The following PTPRD variants were observed in gnomAD, a reference collection of about 807,000 sequenced individuals.
PTPRD encodes the protein protein tyrosine phosphatase receptor type D, also known as receptor-type tyrosine-protein phosphatase delta.
A neutral mutation model predicts 214.5 loss-of-function variants in PTPRD; 34 were observed. The ratio of observed to expected loss-of-function variants is 0.16; its 90% CI spans 0.12 to 0.21. The LOEUF is 0.21. Among genes scored for constraint, PTPRD ranks in the 10% least tolerant of loss-of-function variants. The pLI is 1.00. For synonymous variants in PTPRD, 1,128 were observed against 845.7 expected (o/e 1.33, Z -5.79); for missense variants, 2,545 against 2,398.7 (o/e 1.06, Z -1.27).
At chr9:9,016,594 C>T (rs1589845521) in intron 11 of PTPRD, among the ~76,000 whole-genome samples, 2 of 152,116 alleles carry the variant, frequency 1.3e-5, no homozygotes, top group South Asian at 4.1e-4. Flanking sequence ...TATGAGGCTA[C>T]ACTCCAGATC....
At chr9:8,328,131 G>A (rs1227485469) in intron 44 of PTPRD, among the ~76,000 whole-genome samples, 1 of 152,152 alleles carries the variant, frequency 6.6e-6, no homozygotes, top group East Asian at 1.9e-4. Context: ...TTTACAATTT[G>A]GTGTGTTTTT....
At chr9:9,505,375 C>G (rs1046685606) in intron 8 of PTPRD, among the ~76,000 whole-genome samples, 3 of 151,436 alleles carry the variant, frequency 2.0e-5, no homozygotes, top group Non-Finnish European at 4.4e-5. Context: ...ATTTTACTTT[C>G]CTCTTGCAAA....
At chr9:9,931,632 C>G (rs543629381) in intron 5 of PTPRD, among the ~76,000 whole-genome samples, 105 of 151,668 alleles carry the variant, frequency 6.9e-4, no homozygotes, top group African/African-American at 1.9e-3. Context: ...AACTGCAAGA[C>G]GGCAACGAGG....
chr9:8,369,246 G>T (rs12057000), intron 39 of PTPRD, among the ~76,000 whole-genome samples: 10,014 of 152,092 alleles, frequency 0.066, 412 homozygotes, highest in Middle Eastern at 0.11. Flanking sequence ...GGATCACAAG[G>T]TCTTTTGTTT....
chr9:10,255,899 C>T (rs557415199), intron 3 of PTPRD, among the ~76,000 whole-genome samples: 12 of 152,258 alleles, frequency 7.9e-5, no homozygotes, highest in South Asian at 2.1e-4. Flanking sequence ...CCCCCAGGCC[C>T]GGACTGGTAC....
chr9:8,625,497 T>C (rs1041760415), intron 14 of PTPRD, among the ~76,000 whole-genome samples: 3 of 151,978 alleles, frequency 2.0e-5, no homozygotes, highest in South Asian at 2.1e-4. Flanking sequence ...TTATGATTTA[T>C]AGCTTCATTT....
At chr9:9,110,547 A>T (rs2099804646) in intron 10 of PTPRD, among the ~76,000 whole-genome samples, 1 of 152,046 alleles carries the variant, frequency 6.6e-6, no homozygotes, top group Non-Finnish European at 1.5e-5. Flanking sequence ...ACCCAGTCCC[A>T]CTGTTTTTAC....
chr9:8,501,308 T>C (rs1337091826), intron 23 of PTPRD, among the ~76,000 whole-genome samples: 3 of 152,114 alleles, frequency 2.0e-5, no homozygotes, highest in Non-Finnish European at 2.9e-5. Flanking sequence ...TATGTGAAAA[T>C]GAGACCTCGA....
At chr9:10,549,400 A>C (rs1399388462) in intron 2 of PTPRD, among the ~76,000 whole-genome samples, 1 of 152,184 alleles carries the variant, frequency 6.6e-6, no homozygotes, top group African/African-American at 2.4e-5. Context: ...AAAGTTGGGA[A>C]AATAGAAAAA....
At chr9:9,977,029 T>C (rs2095382059) in intron 4 of PTPRD, among the ~76,000 whole-genome samples, 2 of 152,172 alleles carry the variant, frequency 1.3e-5, no homozygotes, top group Admixed American at 1.3e-4. Flanking sequence ...TGAAAATATA[T>C]AGCACTGGCA....
At chr9:8,754,182 C>T (rs2093781015) in intron 11 of PTPRD, among the ~76,000 whole-genome samples, 1 of 152,110 alleles carries the variant, frequency 6.6e-6, no homozygotes, top group African/African-American at 2.4e-5. Flanking sequence ...GTCAATCTTT[C>T]CCAAGTTTAT....
chr9:10,303,352 G>A (rs144890425), intron 3 of PTPRD, among the ~76,000 whole-genome samples: 4,423 of 151,946 alleles, frequency 0.029, 287 homozygotes, highest in Admixed American at 0.16. Context: ...TTAAAAGAAC[G>A]AGTGAAGCAA....
intron 11 of PTPRD, among the ~76,000 whole-genome samples, chr9:8,933,795 A>G (rs936097183): frequency 2.0e-5 from 3 of 152,162 alleles, no homozygotes; most frequent in Non-Finnish European, 4.4e-5. Flanking sequence ...CATTTTGACC[A>G]TCTTTAATAA....
chr9:9,840,384 G>A (rs894837967), intron 5 of PTPRD, among the ~76,000 whole-genome samples: 1 of 150,528 alleles, frequency 6.6e-6, no homozygotes, highest in African/African-American at 2.4e-5. Context: ...AATAGACTTT[G>A]TTTTTTTCCA....
chr9:9,156,677 G>A (rs945465522), intron 10 of PTPRD, among the ~76,000 whole-genome samples: 3 of 152,004 alleles, frequency 2.0e-5, no homozygotes, highest in African/African-American at 7.2e-5. Context: ...TCAAAATCAG[G>A]TATTCCAGAT....
chr9:10,001,811 G>C (rs190017006), intron 4 of PTPRD, among the ~76,000 whole-genome samples: 1 of 152,168 alleles, frequency 6.6e-6, no homozygotes, highest in African/African-American at 2.4e-5. Flanking sequence ...CCTTCAGGTT[G>C]AAATGAAAAG....
chr9:10,143,900 G>A (rs765174976), intron 3 of PTPRD, among the ~76,000 whole-genome samples: 1 of 152,030 alleles, frequency 6.6e-6, no homozygotes, highest in African/African-American at 2.4e-5. Flanking sequence ...GGGGATGCAA[G>A]AGGGGAGAGG....
At chr9:8,437,387 A>G (rs2132582335) in intron 34 of PTPRD, 2 of 591,014 alleles carry the variant, frequency 3.4e-6, no homozygotes, top group East Asian at 2.9e-5. Flanking sequence ...GGCTAGTACA[A>G]TGTGACTACT....
At chr9:10,598,670 ATG>A (rs1175090419) in intron 2 of PTPRD, among the ~76,000 whole-genome samples, 1 of 80,940 alleles carries the variant, frequency 1.2e-5, no homozygotes, top group Non-Finnish European at 2.5e-5. Flanking sequence ...ATTTTTATAT[ATG>A]TATGTGTGTG....
Sources: allele counts gnomAD v4.1 joint callset (sites outside exome capture counted in the v4.1 genomes callset), GRCh38; gene constraint gnomAD v4.1.1; transcripts MANE v1.5; gene names NCBI Gene and HGNC (gene_info 2026-07-23, HGNC 2026-07-21).